Variants in PGR observed in about 807,000 individuals in gnomAD.
PGR encodes progesterone receptor, also known as nuclear receptor subfamily 3 group C member 3.
Under a neutral mutation model 76.1 loss-of-function variants are expected in PGR, and 25 were observed. The ratio of observed to expected loss-of-function variants is 0.33; its 90% confidence interval spans 0.24 to 0.46. PGR has a LOEUF of 0.46. Ranked by LOEUF, PGR falls within the 20% of genes least tolerant of loss-of-function variation. The pLI is 1.00. For synonymous variants in PGR, 579 were observed against 535.0 expected, an observed-to-expected ratio of 1.08 and a Z score of -1.14; for missense variants, 1,172 against 1,225.3, an observed-to-expected ratio of 0.96 and a Z score of 0.65.
rs569856291 is a variant in PGR at position 101,079,498 on chromosome 11, C to A, written c.1906+12262G>T. On this transcript the variant is annotated intron_variant, in intron 3 of 7. Coordinates refer to ENST00000325455, the MANE Select transcript of PGR (RefSeq NM_000926.4). Reference sequence around the variant, plus strand: ...TTGAAAGAAGACATACAAATGCCAACAGATATATGAAAAAATGCTCAACAT... The same window carrying A: ...TTGAAAGAAGACATACAAATGCCAAAAGATATATGAAAAAATGCTCAACAT... Among the ~76,000 whole-genome samples, 6 of 151,168 alleles carry A rather than the reference C, an allele frequency of 4.0e-5. No individual in the cohort carries two copies. The East Asian group carries it at 1.2e-3, about 29-fold the overall frequency.
At chr11:101,113,412 C>A (rs1391406271) in intron 2 of PGR, among the ~76,000 whole-genome samples, 1 of 145,426 alleles carries the variant, frequency 6.9e-6, no homozygotes, top group Middle Eastern at 3.4e-3. Context: ...CAGGCACCCA[C>A]CACCATGCCT....
chr11:101,069,776 T>C (rs1860854419), intron 3 of PGR, among the ~76,000 whole-genome samples: 1 of 152,010 alleles, frequency 6.6e-6, no homozygotes, highest in Non-Finnish European at 1.5e-5. Context: ...AAACACTGCA[T>C]ATTCTCTCAT....
Position 101,127,971 on chromosome 11 carries a change from G to A in PGR, c.1100C>T (p.Ala367Val). The change falls in exon 1 of 8, where the codon GCC becomes GTC. Residue 367 changes from alanine to valine, a missense_variant. Transcript: ENST00000325455. ...DFPDCAYPPD[A>V]EPKDDAYPLY... ...AGGGTACGCGTCGTCCTTGGGCTCG[G>A]CGTCGGGCGGGTACGCGCAGTCGGG... 1 of 1,612,128 alleles carries A rather than the reference G, an allele frequency of 6.2e-7. No individual in the cohort carries two copies.
intron 1 of PGR, chr11:101,126,981 G>C (rs1862857946): frequency 6.5e-6 from 1 of 152,748 alleles, no homozygotes; most frequent in Admixed American, 6.5e-5. Context: ...CGGGGGAACG[G>C]TGCCTTAACT....
chr11:101,126,493 G>A (rs1469930130), intron 1 of PGR, among the ~76,000 whole-genome samples: 2 of 152,200 alleles, frequency 1.3e-5, no homozygotes, highest in Admixed American at 6.5e-5. Context: ...CAAATGAAAT[G>A]TTATGTCCTT....
intron 2 of PGR, among the ~76,000 whole-genome samples, chr11:101,111,289 G>C (rs1489170115): frequency 1.3e-5 from 2 of 152,094 alleles, no homozygotes; most frequent in East Asian, 1.9e-4. Context: ...CTTGGTAGGG[G>C]CCACAGCCTG....
At chr11:101,088,371 G>A (rs485506) in intron 3 of PGR, among the ~76,000 whole-genome samples, 16,492 of 151,964 alleles carry the variant, frequency 0.11, 950 homozygotes, top group East Asian at 0.19. Flanking sequence ...TCGCTCTGTC[G>A]CCCAGGCTGG....
chr11:101,086,847 C>A (rs1376775552), intron 3 of PGR, among the ~76,000 whole-genome samples: 1 of 152,014 alleles, frequency 6.6e-6, no homozygotes, highest in East Asian at 1.9e-4. Flanking sequence ...GCCACACACA[C>A]ACACAAAATA....
chr11:101,112,097 T>G (rs917718603), intron 2 of PGR, among the ~76,000 whole-genome samples: 1 of 152,150 alleles, frequency 6.6e-6, no homozygotes, highest in African/African-American at 2.4e-5. Flanking sequence ...CAATTGCCCA[T>G]AAGATTTAGT....
In PGR at chr11:101,078,586, C is replaced by G. The variant is rs192638148; in HGVS notation, c.1906+13174G>C. Among the ~76,000 whole-genome samples the G allele has an allele frequency of 6.6e-5, 10 of 152,252 alleles. 1 individual carries two copies. In the East Asian group the frequency reaches 1.9e-3, roughly 29 times the overall value. On this transcript the variant is annotated intron_variant, in intron 3 of 7. Transcript: ENST00000325455. ...AACTATCTTCCCACTCAGTGCTGTA[C>G]AGCAGTGAACTAAAGCAAAAGTTCA...
In PGR at chr11:101,091,753, G is replaced by A; in HGVS notation, c.1906+7C>T. 1 of 1,383,706 alleles carries A rather than the reference G, an allele frequency of 7.2e-7. No homozygotes were observed. The highest frequency in any genetic ancestry group is 1.0e-6 in the Non-Finnish European group (1 of 969,844). The allele number at this position is 1,383,706 out of a possible 1,614,324, so 85.7% of individuals were successfully genotyped here. A position where few individuals can be genotyped will look rare whatever the true frequency, so the allele number is the denominator to read the frequency against. On this transcript the variant is annotated splice_region_variant and intron_variant, in intron 3 of 7. Transcript: ENST00000325455. Reference sequence around the variant, plus strand: ...CAGTATATTATTGATGAAAACATCAGAATTACCTCCAAGGACCATGCCAGC... The same window carrying A: ...CAGTATATTATTGATGAAAACATCAAAATTACCTCCAAGGACCATGCCAGC...
chr11:101,055,107 T>C (rs1489327579), intron 4 of PGR, among the ~76,000 whole-genome samples: 1 of 152,078 alleles, frequency 6.6e-6, no homozygotes, highest in East Asian at 1.9e-4. Flanking sequence ...TAACAAATTA[T>C]ATATTTCATA....
intron 2 of PGR, among the ~76,000 whole-genome samples, 169 bp from the exon 3 acceptor site, chr11:101,092,045 C>G (rs909831963): frequency 1.3e-5 from 2 of 152,320 alleles, no homozygotes; most frequent in African/African-American, 4.8e-5. Context: ...CTGCTCAGTA[C>G]TTTACCTGTG....
intron 3 of PGR, among the ~76,000 whole-genome samples, chr11:101,083,031 G>A (rs939884907): frequency 3.3e-5 from 5 of 152,316 alleles, no homozygotes; most frequent in Non-Finnish European, 4.4e-5. Flanking sequence ...AAGCCTAAGA[G>A]GGATTAATGG....
In PGR at chr11:101,031,449, G is replaced by T. The variant is rs1418827105; in HGVS notation, c.*7667C>A. 1 of 228,614 alleles carries T rather than the reference G, an allele frequency of 4.4e-6. No individual in the cohort carries two copies. The highest frequency in any genetic ancestry group is 2.2e-5 in the African/African-American group (1 of 45,068). 14.2% of individuals were successfully genotyped at this position (228,614 alleles called of 1,614,324 possible). A position where few individuals can be genotyped will look rare whatever the true frequency, so the allele number is the denominator to read the frequency against. On this transcript the variant is annotated 3_prime_UTR_variant, in exon 8 of 8. Transcript: ENST00000325455. ...GAAATTGAATAAGGTAATCCAAAAA[G>T]AAGGCTCTTTTAGATGAAAAAACAT...
chr11:101,060,904 G>A (rs35897420), intron 4 of PGR, among the ~76,000 whole-genome samples: 4 of 152,116 alleles, frequency 2.6e-5, no homozygotes, highest in South Asian at 2.1e-4. Context: ...GATAGATAAC[G>A]GTTTCCGGTT....
chr11:101,039,377 TCTCAAGGTGTTTTTTTCTTA>T, intron 7 of PGR, 106 bp from the exon 8 acceptor site: 1 of 869,244 alleles, frequency 1.2e-6, no homozygotes, highest in Non-Finnish European at 1.8e-6. Flanking sequence ...TATAAATACT[TCTCAAGGTGTTTTTTTCTTA>T]CCATAGTGAA....
intron 6 of PGR, among the ~76,000 whole-genome samples, chr11:101,046,189 A>G (rs1859873726): frequency 6.6e-6 from 1 of 150,890 alleles, no homozygotes. Context: ...ACAGTGGCAC[A>G]ATCATGGCTC....
chr11:101,098,429 T>C (rs1037871296), intron 2 of PGR, among the ~76,000 whole-genome samples: 4 of 152,256 alleles, frequency 2.6e-5, no homozygotes, highest in South Asian at 4.1e-4. Context: ...GTTTAAGGAA[T>C]GAAATAGTGA....
Sources: gnomAD v4.1 joint callset for allele counts (sites outside exome capture counted in the v4.1 genomes callset) on GRCh38, gnomAD v4.1.1 for gene constraint, MANE v1.5 for transcripts, NCBI Gene and HGNC (gene_info 2026-07-23, HGNC 2026-07-21) for gene names.